Variants in DCAF8L2 observed in about 807,000 individuals in gnomAD.
DCAF8L2 encodes the protein DDB1- and CUL4-associated factor 8-like protein 2.
For synonymous variants in DCAF8L2, 200 were observed against 190.9 expected (o/e 1.05, Z -0.39); for missense variants, 430 against 490.7 (o/e 0.88, Z 1.17).
intron 4 of DCAF8L2, among the ~76,000 whole-genome samples, chrX:27,727,444 AT>A (rs1478511236): frequency 9.0e-6 from 1 of 111,110 alleles, no homozygotes; most frequent in Non-Finnish European, 1.9e-5. Context: ...ATTTATGCCC[AT>A]TTTTTAATCA....
At position 27,670,092 on chromosome X, in the gene DCAF8L2, T is replaced by A. The variant is rs748461567; in HGVS notation, c.-219-7744T>A. Among the ~76,000 whole-genome samples, 12 of 106,544 alleles carry A rather than the reference T, an allele frequency of 1.1e-4. No homozygotes were observed. The South Asian group carries it at 4.8e-3, about 42-fold the overall frequency. The allele number at this position is 106,544 out of a possible 115,157, so 92.5% of individuals were successfully genotyped here. Reference sequence around the variant, plus strand: ...AATTTCTCTAGTCTCAATTACATAATCTTTGTTTTATAGTGTTTTTTTTGT... The same window carrying A: ...AATTTCTCTAGTCTCAATTACATAAACTTTGTTTTATAGTGTTTTTTTTGT... On this transcript the variant is annotated intron_variant, in intron 2 of 4. Coordinates refer to ENST00000451261, the MANE Select transcript of DCAF8L2 (RefSeq NM_001353450.2).
chrX:27,574,919 T>C, the DCAF8L2 span, among the ~76,000 whole-genome samples: 2 of 111,594 alleles, frequency 1.8e-5, no homozygotes, highest in South Asian at 3.7e-4. Flanking sequence ...AGGCGGCTTG[T>C]GTTAAGCAGC....
the DCAF8L2 span, among the ~76,000 whole-genome samples, chrX:27,533,909 G>T: frequency 8.9e-6 from 1 of 112,200 alleles, no homozygotes; most frequent in African/African-American, 3.2e-5. Context: ...GCTGGGCGTG[G>T]TGGCTCAGCA....
At position 27,713,518 on chromosome X, in the gene DCAF8L2, G is replaced by A. The variant is rs752510578; in HGVS notation, c.-142-2570G>A. ...CACAAACCTTTTGAGGAGATTTTCTGTAAAGGGGAACAGAGTAATGGGGCA... is the reference window on the plus strand; with the variant it reads ...CACAAACCTTTTGAGGAGATTTTCTATAAAGGGGAACAGAGTAATGGGGCA... On this transcript the variant is annotated intron_variant, in intron 3 of 4. Transcript: ENST00000451261. Among the ~76,000 whole-genome samples, 15 of 111,580 alleles carry A rather than the reference G, an allele frequency of 1.3e-4. No individual in the cohort carries two copies. In the East Asian group the frequency reaches 3.9e-3, roughly 29 times the overall value.
chrX:27,663,319 T>C (rs1456159677), intron 2 of DCAF8L2, among the ~76,000 whole-genome samples: 1 of 112,346 alleles, frequency 8.9e-6, no homozygotes. Context: ...TTTTGTTTTG[T>C]TTTATATTTT....
chrX:27,651,042 A>T (rs1458481644), intron 2 of DCAF8L2, among the ~76,000 whole-genome samples: 1 of 112,103 alleles, frequency 8.9e-6, no homozygotes, highest in Non-Finnish European at 1.9e-5. Flanking sequence ...TACCACATCT[A>T]TTGAGATGAT....
At chrX:27,538,408 T>C in the DCAF8L2 span, among the ~76,000 whole-genome samples, 5 of 110,545 alleles carry the variant, frequency 4.5e-5, no homozygotes, top group African/African-American at 1.3e-4. Context: ...TTTATTTATT[T>C]ATTGAGATGG....
chrX:27,484,544 T>C, the DCAF8L2 span, among the ~76,000 whole-genome samples: 31 of 111,640 alleles, frequency 2.8e-4, no homozygotes, highest in South Asian at 1.1e-3. Context: ...CCTGTATTCT[T>C]TATAGATATT....
At chrX:27,618,470 G>T (rs778958518) in intron 1 of DCAF8L2, among the ~76,000 whole-genome samples, 3 of 111,646 alleles carry the variant, frequency 2.7e-5, no homozygotes, top group South Asian at 3.8e-4. Context: ...ATGAGAAAAC[G>T]TTCATAGACT....
chrX:27,723,858 A>T (rs1307574121), intron 4 of DCAF8L2, among the ~76,000 whole-genome samples: 1 of 111,171 alleles, frequency 9.0e-6, no homozygotes, highest in Non-Finnish European at 1.9e-5. Flanking sequence ...CTATATCTAC[A>T]TAATAGAATA....
intron 4 of DCAF8L2, among the ~76,000 whole-genome samples, chrX:27,740,879 A>G (rs1267441268): frequency 9.0e-6 from 1 of 111,684 alleles, no homozygotes; most frequent in Non-Finnish European, 1.9e-5. Flanking sequence ...CATCTGGTCT[A>G]TCTATATATT....
At chrX:27,578,250 A>C in the DCAF8L2 span, among the ~76,000 whole-genome samples, 1 of 111,525 alleles carries the variant, frequency 9.0e-6, no homozygotes, top group Admixed American at 9.5e-5. Context: ...TCTCAGAAAT[A>C]AGACTGCACA....
chrX:27,484,984 G>A, the DCAF8L2 span, among the ~76,000 whole-genome samples: 2 of 111,755 alleles, frequency 1.8e-5, no homozygotes, highest in Non-Finnish European at 3.8e-5. Context: ...TTTGACTAGA[G>A]AGGCAGTTTA....
At chrX:27,649,888 T>C (rs1343110314) in intron 2 of DCAF8L2, among the ~76,000 whole-genome samples, 1 of 111,942 alleles carries the variant, frequency 8.9e-6, no homozygotes, top group Non-Finnish European at 1.9e-5. Context: ...GGCTGATGCA[T>C]AGAATGGTGC....
chrX:27,505,448 A>T, the DCAF8L2 span, among the ~76,000 whole-genome samples: 8 of 112,401 alleles, frequency 7.1e-5, no homozygotes, highest in East Asian at 2.2e-3. Flanking sequence ...TAAGAAAAGT[A>T]TACCTACTTA....
At chrX:27,533,238 A>AAGAAAGAAAGAAAGAAAG in the DCAF8L2 span, among the ~76,000 whole-genome samples, 1 of 84,380 alleles carries the variant, frequency 1.2e-5, no homozygotes, top group Non-Finnish European at 2.5e-5. Context: ...AAGAAAGAGA[A>AAGAAAGAAAGAAAGAAAG]AGAAAGAAAG....
intron 4 of DCAF8L2, among the ~76,000 whole-genome samples, chrX:27,741,472 CAA>C (rs774978618): frequency 2.0e-5 from 2 of 98,951 alleles, no homozygotes; most frequent in Admixed American, 2.4e-4. Context: ...CACCTTAAGA[CAA>C]AGAGTAGATG....
the DCAF8L2 span, among the ~76,000 whole-genome samples, chrX:27,565,904 G>A: frequency 1.8e-5 from 2 of 110,741 alleles, no homozygotes; most frequent in Non-Finnish European, 3.8e-5. Flanking sequence ...ACAGGTTAGG[G>A]CTGGGTGTCT....
the DCAF8L2 span, among the ~76,000 whole-genome samples, chrX:27,568,946 A>AACACACAC: frequency 2.0e-3 from 173 of 86,557 alleles, no homozygotes; most frequent in African/African-American, 6.8e-3. Context: ...TTGGAACTCA[A>AACACACAC]ACACACACAC....
Sources: allele counts gnomAD v4.1 joint callset (sites outside exome capture counted in the v4.1 genomes callset), GRCh38; gene constraint gnomAD v4.1.1; transcripts MANE v1.5; gene names NCBI Gene and HGNC (gene_info 2026-07-23, HGNC 2026-07-21).